Variants in NFASC observed in about 807,000 individuals in gnomAD.
The protein encoded by NFASC is neurofascin.
A neutral mutation model predicts 147.5 loss-of-function variants in NFASC; 43 were observed. That is an observed-to-expected ratio of 0.29 (90% confidence interval 0.23 to 0.38). NFASC has a LOEUF of 0.38. Among genes scored for constraint, NFASC ranks in the 10% least tolerant of loss-of-function variants. NFASC has a pLI of 1.00. For missense variants in NFASC, 1,320 were observed against 1,689.0 expected (o/e 0.78, Z 3.83); for synonymous variants, 622 against 665.5 (o/e 0.93, Z 1.01).
At position 204,973,256 on chromosome 1, in the gene NFASC, C is replaced by T. The variant is rs199882735; in HGVS notation, c.1136-20C>T. 48 of 1,613,266 alleles carry T rather than the reference C, an allele frequency of 3.0e-5. No homozygotes were observed. In the Admixed American group the frequency reaches 6.2e-4, roughly 21 times the overall value. On this transcript the variant is annotated intron_variant, in intron 11 of 29. Transcript: ENST00000339876. ...TGCCCTCCCCATCTCTCATGAGGAG[C>T]GTCTCTTTCTTGTCTGTAGCGGCAC...
chr1:204,842,207 G>A (rs1358059631), intron 1 of NFASC, among the ~76,000 whole-genome samples: 1 of 152,202 alleles, frequency 6.6e-6, no homozygotes, highest in Admixed American at 6.5e-5. Flanking sequence ...TCTCCCTGAG[G>A]TCTGACTAAG....
intron 24 of NFASC, chr1:204,993,781 G>A (rs368579089): frequency 8.9e-5 from 46 of 517,942 alleles, no homozygotes; most frequent in African/African-American, 8.6e-4. Context: ...TGTCTGCCCA[G>A]CCTGGTGCTG....
intron 1 of NFASC, among the ~76,000 whole-genome samples, chr1:204,877,047 ATAATATATTTATTTATATAT>A (rs2079103156): frequency 3.9e-5 from 4 of 101,292 alleles, no homozygotes; most frequent in African/African-American, 1.1e-4. Flanking sequence ...TTATATATAT[ATAATATATTTATTTATATAT>A]TTATATATAT....
In NFASC at chr1:204,933,375, G is replaced by T. The variant is rs1558149171; in HGVS notation, c.-90-10851G>T. 1.3e-5 allele frequency among the ~76,000 whole-genome samples: 2 copies of T among 152,162 alleles called. 1 individual carries two copies. Among genetic ancestry groups the T allele is most frequent in the African/African-American group, 4.8e-5 (2 of 41,432 alleles). On this transcript the variant is annotated intron_variant, in intron 2 of 29. Transcript: ENST00000339876. ...ATGCCTGGGTATGGGCTATGAAAAG[G>T]GGTGGGTTGTAAGGGCAATTCCCAG...
intron 1 of NFASC, among the ~76,000 whole-genome samples, chr1:204,888,895 T>C (rs955166517): frequency 1.3e-5 from 2 of 152,140 alleles, no homozygotes; most frequent in African/African-American, 4.8e-5. Context: ...GGGAACCCTG[T>C]GCTGCCCTAG....
chr1:204,986,002 C>A lies in NFASC; in HGVS notation c.2471-1416C>A, dbSNP rs781738429. 4.2e-5 allele frequency: 67 copies of A among 1,613,706 alleles called. No homozygotes were observed. The highest frequency in any genetic ancestry group is 5.5e-5 in the Non-Finnish European group (65 of 1,179,788). ...GCTTCCCTGGTGACCGCCTCCGTGGCGTGGTGTCCCGCCTCTTCCCCTACA... is the reference window on the plus strand; with the variant it reads ...GCTTCCCTGGTGACCGCCTCCGTGGAGTGGTGTCCCGCCTCTTCCCCTACA... On this transcript the variant is annotated intron_variant, in intron 21 of 29. Coordinates refer to ENST00000339876, the MANE Select transcript of NFASC (RefSeq NM_001005388.3). This position sits in a 1 kb window ranked among gnomAD's most constrained non-coding sequence, Gnocchi z 4.2.
rs1361195539 is a variant in NFASC at position 204,916,709 on chromosome 1, G to GT, written c.-199-3915dup. Reference sequence around the variant, plus strand: ...GTTTGACTCACATGGATTCTTTTTTGTTTTTTTTGTTTGTTTGTTTTTTGT... The same window carrying GT: ...GTTTGACTCACATGGATTCTTTTTTGTTTTTTTTTGTTTGTTTGTTTTTTGT... On this transcript the variant is annotated intron_variant, in intron 1 of 29. Transcript: ENST00000339876. Among the ~76,000 whole-genome samples, 243 of 123,110 alleles carry GT rather than the reference G, an allele frequency of 2.0e-3. 1 individual carries two copies. Among genetic ancestry groups the GT allele is most frequent in the African/African-American group, 6.1e-3 (202 of 33,226 alleles). The allele number at this position is 123,110 out of a possible 152,430, so 80.8% of individuals were successfully genotyped here.
chr1:204,966,475 CT>C (rs1428565931), intron 8 of NFASC, among the ~76,000 whole-genome samples: 1 of 152,204 alleles, frequency 6.6e-6, no homozygotes, highest in African/African-American at 2.4e-5. Flanking sequence ...CTAGAATCTC[CT>C]TTCCTCATAG....
In NFASC at chr1:204,947,398, T is replaced by A. The variant is rs967837918; in HGVS notation, c.91+2992T>A. Among the ~76,000 whole-genome samples, 3 of 152,234 alleles carry A rather than the reference T, an allele frequency of 2.0e-5. No homozygotes were observed. The East Asian group carries it at 5.8e-4, about 29-fold the overall frequency. On this transcript the variant is annotated intron_variant, in intron 3 of 29. Coordinates refer to ENST00000339876, the MANE Select transcript of NFASC (RefSeq NM_001005388.3). ...GAAGGAAGATCAGGCATTCTTAACG[T>A]TCTCGCCCTGCCAGGTGTTCTTTCT... is the stretch of plus-strand genomic sequence containing the variant.
chr1:204,877,296 C>A (rs969161182), intron 1 of NFASC, among the ~76,000 whole-genome samples: 2 of 151,634 alleles, frequency 1.3e-5, no homozygotes, highest in Non-Finnish European at 2.9e-5. Flanking sequence ...TTAGGCTCTG[C>A]ACACCCAATG....
chr1:204,892,332 C>T (rs552393721), intron 1 of NFASC, among the ~76,000 whole-genome samples: 1 of 152,300 alleles, frequency 6.6e-6, no homozygotes, highest in Admixed American at 6.5e-5. Flanking sequence ...ACAAGCCACC[C>T]CAAAACTTAG....
intron 2 of NFASC, among the ~76,000 whole-genome samples, chr1:204,940,217 C>A (rs1187456502): frequency 6.6e-6 from 1 of 152,152 alleles, no homozygotes; most frequent in African/African-American, 2.4e-5. Flanking sequence ...CTTTGGGAGG[C>A]CGAGCTGGGT....
At chr1:204,950,130 C>A (rs2094007902) in intron 3 of NFASC, among the ~76,000 whole-genome samples, 1 of 152,266 alleles carries the variant, frequency 6.6e-6, no homozygotes, top group Non-Finnish European at 1.5e-5. Flanking sequence ...CCCTTCCTGG[C>A]ACCTGTCTTG....
chr1:205,012,349 A>C (rs2096269010), intron 28 of NFASC, among the ~76,000 whole-genome samples: 1 of 152,216 alleles, frequency 6.6e-6, no homozygotes, highest in South Asian at 2.1e-4. Flanking sequence ...AACTGTGAAG[A>C]AGCACACAGA....
intron 2 of NFASC, among the ~76,000 whole-genome samples, chr1:204,934,933 A>C (rs776024815): frequency 1.3e-5 from 2 of 152,222 alleles, no homozygotes; most frequent in African/African-American, 2.4e-5. Context: ...GTAAATATGC[A>C]CTAGAGTTCT....
chr1:204,979,251 T>A lies in NFASC; in HGVS notation c.1979-111T>A. On this transcript the variant is annotated intron_variant, in intron 18 of 29. Transcript: ENST00000339876. This position sits in a 1 kb window ranked among gnomAD's most constrained non-coding sequence, Gnocchi z 6.0. ...CCTTGGGAAGAATTCTCCTTGTGCC[T>A]TTGTGTGAGAGAGATTATAAAGATC... 1 of 1,057,288 alleles carries A rather than the reference T, an allele frequency of 9.5e-7. No homozygotes were observed. Among genetic ancestry groups the A allele is most frequent in the Non-Finnish European group, 1.5e-6 (1 of 686,468 alleles). 65.5% of individuals were successfully genotyped at this position (1,057,288 alleles called of 1,614,324 possible). A position where few individuals can be genotyped will look rare whatever the true frequency, so the allele number is the denominator to read the frequency against.
At chr1:204,834,606 G>T (rs79711485) in intron 1 of NFASC, among the ~76,000 whole-genome samples, 1 of 152,094 alleles carries the variant, frequency 6.6e-6, no homozygotes, top group South Asian at 2.1e-4. Flanking sequence ...CCCCGTTATT[G>T]TGATGCTAAT....
rs1317514579 is a variant in NFASC, at chr1:204,997,230, C to T, written c.2843C>T (p.Ala948Val). 2 of 1,613,748 alleles carry T rather than the reference C, an allele frequency of 1.2e-6. No individual in the cohort carries two copies. The highest frequency in any genetic ancestry group is 1.7e-6 in the Non-Finnish European group (2 of 1,179,834). The change falls in exon 25 of 30, where the codon GCT (alanine) becomes GTT (valine). Residue 948 changes from alanine to valine, a missense_variant. Coordinates refer to ENST00000339876, the MANE Select transcript of NFASC (RefSeq NM_001005388.3). The stretch of plus-strand genomic sequence containing the variant: ...ACGGGCGCTGTGAGCAGTACCGATG[C>T]TACTGCCATTGCTGCCACCACCGAA... ...GATGAVSSTD[A>V]TAIAATTEAT...
rs572644023 is a variant in NFASC, at chr1:205,022,710, C to A, written c.*6171C>A. 2.0e-5 allele frequency: 3 copies of A among 152,734 alleles called. No individual in the cohort carries two copies. The East Asian group carries it at 5.8e-4, about 29-fold the overall frequency. The allele number at this position is 152,734 out of a possible 1,614,324, so 9.5% of individuals were successfully genotyped here. Reference sequence around the variant, plus strand: ...AATACATGGACTTATAAACTGACTGCATGAGCAATGAAAAGGCCAAATTAT... The same window carrying A: ...AATACATGGACTTATAAACTGACTGAATGAGCAATGAAAAGGCCAAATTAT... On this transcript the variant is annotated 3_prime_UTR_variant, in exon 30 of 30. Coordinates refer to ENST00000339876, the MANE Select transcript of NFASC (RefSeq NM_001005388.3).
Sources: gnomAD v4.1 joint callset for allele counts (sites outside exome capture counted in the v4.1 genomes callset) on GRCh38, gnomAD v4.1.1 for gene constraint, Gnocchi (gnomAD v3.1) non-coding constraint, MANE v1.5 for transcripts, NCBI Gene and HGNC (gene_info 2026-07-23, HGNC 2026-07-21) for gene names.